Variants in CAMTA1 observed in about 807,000 individuals in gnomAD.
CAMTA1 encodes calmodulin-binding transcription activator 1.
CAMTA1 carries 27 observed loss-of-function variants against 170.9 expected under a neutral mutation model. The observed-to-expected ratio is 0.16, with a 90% CI of 0.12 to 0.22. CAMTA1 has a LOEUF of 0.22. CAMTA1 is among the 10% of genes least tolerant of loss of function. The pLI is 1.00. For missense variants in CAMTA1, 1,619 were observed against 2,217.2 expected (o/e 0.73, Z 5.42); for synonymous variants, 833 against 891.5 (o/e 0.93, Z 1.17).
intron 4 of CAMTA1, among the ~76,000 whole-genome samples, chr1:7,191,085 C>T (rs949084679): frequency 5.3e-5 from 8 of 152,226 alleles, no homozygotes; most frequent in Admixed American, 3.3e-4. Context: ...ATTAGGGTCT[C>T]GCATTTTGTT....
chr1:7,575,469 A>G (rs1410750944), intron 6 of CAMTA1, among the ~76,000 whole-genome samples: 2 of 152,216 alleles, frequency 1.3e-5, no homozygotes, highest in African/African-American at 2.4e-5. Flanking sequence ...CAGAACATGG[A>G]ACCAGAGTTT....
intron 11 of CAMTA1, among the ~76,000 whole-genome samples, chr1:7,705,127 G>A (rs1366876707): frequency 3.3e-5 from 5 of 151,762 alleles, no homozygotes; most frequent in African/African-American, 9.7e-5. Context: ...CCACGAGGGT[G>A]CGCGCGTTTC....
rs1243508706 is a variant in CAMTA1, at chr1:7,195,422, T to C, written c.303-54069T>C. On this transcript the variant is annotated intron_variant, in intron 4 of 22. Coordinates refer to ENST00000303635, the MANE Select transcript of CAMTA1 (RefSeq NM_015215.4). The surrounding 1 kb of genome is among the most constrained non-coding windows in gnomAD (Gnocchi z 4.1). Reference sequence around the variant, plus strand: ...CAGTGCTGAGCTTCCCTGGGCTTGGTGGCCGAGTGGAGTGAGGAGTGCAGA... The same window carrying C: ...CAGTGCTGAGCTTCCCTGGGCTTGGCGGCCGAGTGGAGTGAGGAGTGCAGA... Among the ~76,000 whole-genome samples the C allele has an allele frequency of 1.3e-5, 2 of 152,182 alleles. No individual in the cohort carries two copies. The highest frequency in any genetic ancestry group is 2.9e-5 in the Non-Finnish European group (2 of 68,022).
intron 4 of CAMTA1, among the ~76,000 whole-genome samples, chr1:7,166,635 C>T (rs774819216): frequency 1.6e-4 from 24 of 152,126 alleles, no homozygotes; most frequent in Non-Finnish European, 3.2e-4. Flanking sequence ...CTTTTCCTTG[C>T]TATTGGATTG....
At chr1:7,706,656 T>C (rs1384909741) in intron 11 of CAMTA1, among the ~76,000 whole-genome samples, 1 of 152,214 alleles carries the variant, frequency 6.6e-6, no homozygotes, top group Non-Finnish European at 1.5e-5. Context: ...AAAATAGCAT[T>C]TACTTACAGC....
chr1:6,984,633 A>C (rs2100268160), intron 3 of CAMTA1, among the ~76,000 whole-genome samples: 1 of 151,996 alleles, frequency 6.6e-6, no homozygotes, highest in Non-Finnish European at 1.5e-5. Flanking sequence ...ATACTCACAA[A>C]AAACAACAAA....
chr1:7,444,342 C>A (rs1429259525), intron 5 of CAMTA1, among the ~76,000 whole-genome samples: 2 of 152,168 alleles, frequency 1.3e-5, no homozygotes, highest in Non-Finnish European at 2.9e-5. Context: ...CTGTGGCTGC[C>A]CGAGCATCTG....
chr1:7,385,177 C>T (rs1395690520), intron 5 of CAMTA1, among the ~76,000 whole-genome samples: 1 of 151,742 alleles, frequency 6.6e-6, no homozygotes, highest in East Asian at 2.0e-4. Flanking sequence ...GCAACCTCCG[C>T]CTCCCAGGTT....
Position 6,880,241 on chromosome 1 carries a change from CTT to C in CAMTA1, c.234+55036_234+55037del, listed in dbSNP as rs545007862. Among the ~76,000 whole-genome samples, 552 of 151,914 alleles carry C rather than the reference CTT, an allele frequency of 3.6e-3. 3 individuals are homozygous for C. Among genetic ancestry groups the C allele is most frequent in the African/African-American group, 0.012 (484 of 41,434 alleles). Reference sequence around the variant, plus strand: ...GGTGCATACCACCACGCCCAGCTAACTTTTTTGTTTTTCTTGTATAGACAGGG... The same window carrying C: ...GGTGCATACCACCACGCCCAGCTAACTTTTGTTTTTCTTGTATAGACAGGG... On this transcript the variant is annotated intron_variant, in intron 3 of 22. Coordinates refer to ENST00000303635, the MANE Select transcript of CAMTA1 (RefSeq NM_015215.4).
At chr1:7,016,126 A>G (rs1038739227) in intron 3 of CAMTA1, among the ~76,000 whole-genome samples, 3 of 152,136 alleles carry the variant, frequency 2.0e-5, no homozygotes, top group Admixed American at 2.0e-4. Context: ...AACCCCCCGA[A>G]ATCACTCATC....
At chr1:7,175,446 A>T (rs940072256) in intron 4 of CAMTA1, among the ~76,000 whole-genome samples, 1 of 152,264 alleles carries the variant, frequency 6.6e-6, no homozygotes, top group Non-Finnish European at 1.5e-5. Context: ...ACACGCTCGC[A>T]TGATAACACA....
intron 5 of CAMTA1, among the ~76,000 whole-genome samples, chr1:7,313,313 C>T (rs1032226715): frequency 6.6e-6 from 1 of 152,228 alleles, no homozygotes; most frequent in Admixed American, 6.5e-5. Context: ...GTTCCCTGGA[C>T]CAGCCTATGA....
At position 6,825,086 on chromosome 1, in the gene CAMTA1, T is replaced by C. The variant is rs374514641; in HGVS notation, c.116-6T>C. On this transcript the variant is annotated splice_region_variant and splice_polypyrimidine_tract_variant and intron_variant, in intron 2 of 22. Coordinates refer to ENST00000303635, the MANE Select transcript of CAMTA1 (RefSeq NM_015215.4). ...TTCTCTAAATTTATTGTTTTCTTCT[T>C]TGTAGATGATCATGGGAACAGCAAT... The C allele has an allele frequency of 3.4e-6, 5 of 1,477,330 alleles. No homozygotes were observed. Among genetic ancestry groups the C allele is most frequent in the Non-Finnish European group, 4.7e-6 (5 of 1,073,552 alleles). The allele number at this position is 1,477,330 out of a possible 1,614,324, so 91.5% of individuals were successfully genotyped here.
At chr1:7,644,779 T>G (rs959148975) in intron 7 of CAMTA1, among the ~76,000 whole-genome samples, 1 of 152,138 alleles carries the variant, frequency 6.6e-6, no homozygotes, top group African/African-American at 2.4e-5. Flanking sequence ...GTCTGGGAAG[T>G]GTCGTTTTTT....
intron 3 of CAMTA1, among the ~76,000 whole-genome samples, chr1:6,872,867 T>C (rs1668785424): frequency 6.6e-6 from 1 of 152,252 alleles, no homozygotes; most frequent in Non-Finnish European, 1.5e-5. Flanking sequence ...CATTTAATGC[T>C]GATGTTTTAA....
chr1:7,320,931 T>C (rs1391546865), intron 5 of CAMTA1, among the ~76,000 whole-genome samples: 2 of 152,174 alleles, frequency 1.3e-5, no homozygotes, highest in Non-Finnish European at 2.9e-5. Flanking sequence ...CAATGACACC[T>C]GGGGTCTCTG....
At chr1:7,651,548 G>A (rs149746904) in intron 7 of CAMTA1, among the ~76,000 whole-genome samples, 13 of 152,346 alleles carry the variant, frequency 8.5e-5, no homozygotes, top group East Asian at 1.9e-4. Flanking sequence ...CTGTCTCCTC[G>A]TCCAATTCCT....
intron 3 of CAMTA1, among the ~76,000 whole-genome samples, chr1:6,942,310 G>A (rs1157320708): frequency 6.6e-6 from 1 of 152,154 alleles, no homozygotes; most frequent in Non-Finnish European, 1.5e-5. Flanking sequence ...ATTTTGAACA[G>A]TATTACAATT....
At chr1:6,924,196 G>A (rs866439274) in intron 3 of CAMTA1, among the ~76,000 whole-genome samples, 14 of 152,258 alleles carry the variant, frequency 9.2e-5, no homozygotes, top group African/African-American at 3.4e-4. Context: ...GTGCACAAGA[G>A]GGAAGCCTCC....
Sources: allele counts gnomAD v4.1 joint callset (sites outside exome capture counted in the v4.1 genomes callset), GRCh38; gene constraint gnomAD v4.1.1; non-coding constraint Gnocchi (gnomAD v3.1); transcripts MANE v1.5; gene names NCBI Gene and HGNC (gene_info 2026-07-23, HGNC 2026-07-21).